Variants in RANBP2 observed in about 807,000 individuals in gnomAD.
The protein encoded by RANBP2 is RAN binding protein 2, also known as E3 SUMO-protein ligase RanBP2.
Under a neutral mutation model 303.6 loss-of-function variants are expected in RANBP2, and 57 were observed. The ratio of observed to expected loss-of-function variants is 0.19; its 90% CI spans 0.15 to 0.23. The LOEUF is 0.23. RANBP2 is among the 10% of genes least tolerant of loss of function. The pLI is 1.00. For missense variants in RANBP2, 3,138 were observed against 3,780.8 expected (o/e 0.83, Z 4.46); for synonymous variants, 1,167 against 1,301.5 (o/e 0.90, Z 2.23).
chr2:109,389,345 A>G, the RANBP2 span, among the ~76,000 whole-genome samples: 1 of 152,186 alleles, frequency 6.6e-6, no homozygotes, highest in African/African-American at 2.4e-5. Flanking sequence ...AATGTCTGTC[A>G]TCTCCCCTGG....
the RANBP2 span, among the ~76,000 whole-genome samples, chr2:109,349,990 C>T: frequency 2.0e-5 from 3 of 152,216 alleles, no homozygotes; most frequent in African/African-American, 4.8e-5. Context: ...GAGTCAGGTG[C>T]GGGAGACAGG....
the RANBP2 span, among the ~76,000 whole-genome samples, chr2:109,324,726 G>C: frequency 0.12 from 17,700 of 152,230 alleles, 1,228 homozygotes; most frequent in East Asian, 0.24. Context: ...GATGAAATTA[G>C]AATTGCTGCA....
chr2:109,499,370 C>T, the RANBP2 span, among the ~76,000 whole-genome samples: 2 of 152,216 alleles, frequency 1.3e-5, no homozygotes, highest in African/African-American at 4.8e-5. Context: ...AGAATAGCTG[C>T]ACCCTGCCTG....
At chr2:109,195,681 A>G in the RANBP2 span, among the ~76,000 whole-genome samples, 1 of 151,846 alleles carries the variant, frequency 6.6e-6, no homozygotes, top group Non-Finnish European at 1.5e-5. Context: ...TTTGCATCTT[A>G]TTTTTCTGAG....
chr2:109,211,090 A>G, the RANBP2 span, among the ~76,000 whole-genome samples: 1 of 152,112 alleles, frequency 6.6e-6, no homozygotes, highest in Non-Finnish European at 1.5e-5. Flanking sequence ...TTTGGTTAAT[A>G]TGCCCATTTA....
At chr2:109,249,572 C>CT in the RANBP2 span, among the ~76,000 whole-genome samples, 1 of 128,512 alleles carries the variant, frequency 7.8e-6, no homozygotes. Flanking sequence ...TCCTTCCTTC[C>CT]TTCCTTCCTT....
At chr2:109,146,897 C>G in the RANBP2 span, among the ~76,000 whole-genome samples, 36 of 85,952 alleles carry the variant, frequency 4.2e-4, 1 homozygote, top group South Asian at 0.018. Context: ...CCCCCCCCCC[C>G]CCCCGCCCCA....
chr2:108,739,691 A>G (rs983364535), intron 6 of RANBP2, among the ~76,000 whole-genome samples: 3 of 152,174 alleles, frequency 2.0e-5, no homozygotes, highest in African/African-American at 7.2e-5. Flanking sequence ...TAGAATATAG[A>G]TTACAAATAA....
chr2:109,006,030 G>GT, the RANBP2 span, among the ~76,000 whole-genome samples: 1 of 152,202 alleles, frequency 6.6e-6, no homozygotes, highest in African/African-American at 2.4e-5. Flanking sequence ...CAGCCCGGAA[G>GT]TGGCGGTGTT....
At chr2:108,843,832 C>A in the RANBP2 span, among the ~76,000 whole-genome samples, 1 of 111,742 alleles carries the variant, frequency 8.9e-6, no homozygotes, top group East Asian at 3.1e-4. Context: ...ATTATTTCTT[C>A]AAGTTCATGT....
At chr2:109,597,148 C>T in the RANBP2 span, among the ~76,000 whole-genome samples, 2 of 152,036 alleles carry the variant, frequency 1.3e-5, no homozygotes, top group Non-Finnish European at 2.9e-5. Flanking sequence ...ACTCTGTTGC[C>T]CAGGCTGGTC....
At chr2:108,923,375 G>A in the RANBP2 span, 12 of 1,613,986 alleles carry the variant, frequency 7.4e-6, no homozygotes, top group East Asian at 2.7e-4. Flanking sequence ...CACATTCCTT[G>A]GTGTTGGGGG....
the RANBP2 span, chr2:108,839,345 A>G: frequency 6.8e-7 from 1 of 1,480,988 alleles, no homozygotes; most frequent in Admixed American, 1.9e-5. Flanking sequence ...TACTCCACCT[A>G]ATATTACTTC....
At chr2:109,138,177 G>A in the RANBP2 span, among the ~76,000 whole-genome samples, 2 of 152,138 alleles carry the variant, frequency 1.3e-5, no homozygotes, top group African/African-American at 4.8e-5. Flanking sequence ...CACCACGCCC[G>A]GCTAACGCCC....
At chr2:109,386,988 A>G in the RANBP2 span, among the ~76,000 whole-genome samples, 1 of 152,202 alleles carries the variant, frequency 6.6e-6, no homozygotes, top group Non-Finnish European at 1.5e-5. Context: ...TATAAAAATA[A>G]TACCTGGCTA....
chr2:108,837,652 C>T, the RANBP2 span, among the ~76,000 whole-genome samples: 6 of 152,118 alleles, frequency 3.9e-5, no homozygotes, highest in Non-Finnish European at 5.9e-5. Flanking sequence ...CTGCCAGTTA[C>T]ATAAAAGAAT....
the RANBP2 span, among the ~76,000 whole-genome samples, chr2:109,251,822 T>G: frequency 5.3e-5 from 8 of 152,208 alleles, no homozygotes; most frequent in Non-Finnish European, 5.9e-5. Flanking sequence ...TTTAATATTT[T>G]TAATACCAAT....
the RANBP2 span, among the ~76,000 whole-genome samples, chr2:109,704,857 G>C: frequency 2.0e-5 from 3 of 151,702 alleles, no homozygotes; most frequent in African/African-American, 7.3e-5. Flanking sequence ...ATCTCAAAAA[G>C]AAATTAAAGC....
At chr2:109,088,951 C>A in the RANBP2 span, among the ~76,000 whole-genome samples, 1 of 152,128 alleles carries the variant, frequency 6.6e-6, no homozygotes, top group East Asian at 1.9e-4. Flanking sequence ...AGATGAAAAG[C>A]GATCGCTGAA....
Sources: allele counts gnomAD v4.1 joint callset (sites outside exome capture counted in the v4.1 genomes callset), GRCh38; gene constraint gnomAD v4.1.1; transcripts MANE v1.5; gene names NCBI Gene and HGNC (gene_info 2026-07-23, HGNC 2026-07-21).